Variants in MYO5B observed in about 807,000 individuals in gnomAD.
MYO5B encodes the protein myosin VB, also known as unconventional myosin-Vb.
Under a neutral mutation model 229.3 loss-of-function variants are expected in MYO5B, and 143 were observed. The ratio of observed to expected loss-of-function variants is 0.62; its 90% confidence interval spans 0.54 to 0.72. The LOEUF is 0.72. MYO5B is among the 30% of genes least tolerant of loss of function. The probability of loss-of-function intolerance (pLI) is 0.00; values close to 1 mark genes in which losing one functional copy is unlikely to be tolerated. For missense variants in MYO5B, 2,321 were observed against 2,331.0 expected (o/e 1.00, Z 0.09); for synonymous variants, 918 against 885.2 (o/e 1.04, Z -0.66).
In MYO5B at chr18:49,875,696, C is replaced by A. The variant is rs1355874357; in HGVS notation, c.3528G>T (p.Lys1176Asn). ...CAGCCCCTTCACGTACCTGGACTTT[C>A]TTGCTGTCCTGCTGTTCTCTCTTCT... ...QLEKREQQDSKKVQAEPPQTD... is the reference protein window; with the variant it reads ...QLEKREQQDSNKVQAEPPQTD... Residue 1176 changes from lysine (K) to asparagine (N), a missense_variant, in exon 26 of 40, where the codon AAG becomes AAT. Physicochemically the swap from Lys to Asn is moderately conservative, Grantham distance 94 (BLOSUM62 0). Transcript: ENST00000285039. The A allele has an allele frequency of 2.5e-6, 4 of 1,614,012 alleles. No homozygotes were observed. In the African/African-American group the frequency reaches 5.3e-5, roughly 22 times the overall value.
chr18:49,909,759 G>C (rs2024937906), intron 18 of MYO5B, among the ~76,000 whole-genome samples: 1 of 152,202 alleles, frequency 6.6e-6, no homozygotes, highest in African/African-American at 2.4e-5. Context: ...AGGCTAGGAG[G>C]TATTTCAGAG....
At chr18:50,127,674 T>G (rs570079107) in intron 1 of MYO5B, among the ~76,000 whole-genome samples, 1 of 152,304 alleles carries the variant, frequency 6.6e-6, no homozygotes, top group Non-Finnish European at 1.5e-5. Context: ...GCTTTAAAGA[T>G]TGCTTACTGG....
At chr18:50,001,187 G>A (rs1279234308) in intron 5 of MYO5B, 68 bp downstream of exon 5, 33 of 1,600,854 alleles carry the variant, frequency 2.1e-5, no homozygotes, top group Middle Eastern at 3.4e-4. Flanking sequence ...CAGGCTTGAC[G>A]CCCAGCAGTC....
chr18:49,988,410 G>GA (rs566261827), intron 7 of MYO5B, among the ~76,000 whole-genome samples: 64 of 152,152 alleles, frequency 4.2e-4, no homozygotes, highest in African/African-American at 1.5e-3. Flanking sequence ...GAAAGAGTGG[G>GA]AAAAAAATAC....
At position 50,036,856 on chromosome 18, in the gene MYO5B, ATC is replaced by A; in HGVS notation, c.447_448del (p.Gln149HisfsTer5). The A allele has an allele frequency of 1.2e-6, 2 of 1,614,036 alleles. No homozygotes were observed. Among genetic ancestry groups the A allele is most frequent in the Non-Finnish European group, 8.5e-7 (1 of 1,179,988 alleles). The stretch of plus-strand genomic sequence containing the variant: ...GGGCTGAGGACATTCTCACCTGGCC[ATC>A]TGCTTGTAGGCTTCTTCTGCCACAG... On this transcript the variant is annotated frameshift_variant, in exon 4 of 40. Transcript: ENST00000285039. LOFTEE classifies it high-confidence loss of function.
intron 17 of MYO5B, among the ~76,000 whole-genome samples, chr18:49,914,558 T>C (rs1361181513): frequency 6.6e-6 from 1 of 151,736 alleles, no homozygotes; most frequent in Non-Finnish European, 1.5e-5. Context: ...GGCGGGTGGA[T>C]CACTTGAGGT....
In MYO5B at chr18:49,843,334, G is replaced by A; in HGVS notation, c.4518C>T (p.Tyr1506=). The A allele has an allele frequency of 6.2e-7, 1 of 1,614,212 alleles. No individual in the cohort carries two copies. Among genetic ancestry groups the A allele is most frequent in the Non-Finnish European group, 8.5e-7 (1 of 1,180,038 alleles). The change falls in exon 34 of 40, where the codon TAC becomes TAT. Residue 1506 remains tyrosine (Y), a synonymous_variant. Transcript: ENST00000285039. The part of the protein sequence containing the change: ...TVPCLPAYIL[Y]MCIRHADYTN... ...TGTAGTCCGCGTGCCGGATGCACAT[G>A]TAGAGGATGTAGGCGGGGAGACAGG...
intron 2 of MYO5B, among the ~76,000 whole-genome samples, chr18:50,041,896 T>C (rs1437063648): frequency 6.6e-6 from 1 of 151,956 alleles, no homozygotes; most frequent in Admixed American, 6.6e-5. Flanking sequence ...AATCTTAATA[T>C]ACAAAGAGTT....
At position 49,902,823 on chromosome 18, in the gene MYO5B, T is replaced by C. The variant is rs757827588; in HGVS notation, c.2582A>G (p.Glu861Gly). The stretch of plus-strand genomic sequence containing the variant: ...CTTCTGGATGGTGGTGGCCTTGTGC[T>C]CCATGAGGACCTGGCGGGAAACAAG... ...VRRTYRQVLM[E>G]HKATTIQKHV... The change falls in exon 21 of 40, where the codon GAG becomes GGG. Residue 861 changes from glutamate to glycine, a missense_variant. Glu to Gly is a moderately conservative substitution (Grantham distance 98). Coordinates refer to ENST00000285039, the MANE Select transcript of MYO5B (RefSeq NM_001080467.3). 1 of 1,600,464 alleles carries C rather than the reference T, an allele frequency of 6.2e-7. No homozygotes were observed. The highest frequency in any genetic ancestry group is 8.5e-7 in the Non-Finnish European group (1 of 1,179,890).
chr18:49,958,486 T>TC (rs1257002976), intron 12 of MYO5B, among the ~76,000 whole-genome samples: 2 of 152,106 alleles, frequency 1.3e-5, no homozygotes, highest in Non-Finnish European at 2.9e-5. Flanking sequence ...AATCCCAAAT[T>TC]CCTGTCCTAA....
At chr18:50,097,148 G>T in intron 1 of MYO5B, 2 of 439,866 alleles carry the variant, frequency 4.5e-6, no homozygotes, top group East Asian at 1.4e-4. Context: ...AATCCTCCCA[G>T]TCTTTCATTG....
In MYO5B at chr18:49,849,607, C is replaced by G. The variant is rs1390056441; in HGVS notation, c.4275G>C (p.Lys1425Asn). 1 of 1,613,552 alleles carries G rather than the reference C, an allele frequency of 6.2e-7. No individual in the cohort carries two copies. The highest frequency in any genetic ancestry group is 8.5e-7 in the Non-Finnish European group (1 of 1,179,944). ...KLEKNERKLK[K>N]QLKIYMKKAQ... ...CTTTCTTCATGTAAATCTTCAGTTG[C>G]TTTTTGAGCTTCCTCTCATTCTTTT... is the stretch of plus-strand genomic sequence containing the variant. Residue 1425 changes from lysine to asparagine, a missense_variant, in exon 32 of 40, where the codon AAG becomes AAC. Transcript: ENST00000285039.
intron 1 of MYO5B, among the ~76,000 whole-genome samples, chr18:50,153,633 A>G (rs1293340880): frequency 6.6e-6 from 1 of 152,174 alleles, no homozygotes; most frequent in African/African-American, 2.4e-5. Context: ...TATTTTTAGT[A>G]GAGACAGGGT....
intron 2 of MYO5B, among the ~76,000 whole-genome samples, chr18:50,050,941 T>C (rs1392796700): frequency 6.6e-6 from 1 of 152,218 alleles, no homozygotes; most frequent in Non-Finnish European, 1.5e-5. Context: ...CGTGCTCTTG[T>C]CGTGGTTCCA....
intron 4 of MYO5B, among the ~76,000 whole-genome samples, chr18:50,019,405 C>T (rs776787564): frequency 4.3e-4 from 65 of 152,200 alleles, no homozygotes; most frequent in Non-Finnish European, 2.1e-4. Flanking sequence ...GCTGCTCATG[C>T]TGGCTACTCT....
intron 39 of MYO5B, 35 bp downstream of exon 39, chr18:49,835,309 A>G (rs1264215245): frequency 1.4e-6 from 2 of 1,473,718 alleles, no homozygotes; most frequent in Non-Finnish European, 1.9e-6. Context: ...ATAGTCGTAG[A>G]CTGGACTTTA....
intron 1 of MYO5B, among the ~76,000 whole-genome samples, chr18:50,097,074 C>T (rs1264056862): frequency 6.6e-6 from 1 of 152,158 alleles, no homozygotes; most frequent in Non-Finnish European, 1.5e-5. Flanking sequence ...CAGGCAAGTC[C>T]CCAGATTTTC....
intron 26 of MYO5B, among the ~76,000 whole-genome samples, chr18:49,873,703 T>G (rs1390104252): frequency 6.6e-6 from 1 of 152,194 alleles, no homozygotes; most frequent in Non-Finnish European, 1.5e-5. Context: ...GGTCACCTAC[T>G]CAGACTCAAG....
At chr18:50,124,050 A>G (rs189243337) in intron 1 of MYO5B, among the ~76,000 whole-genome samples, 3 of 152,306 alleles carry the variant, frequency 2.0e-5, no homozygotes, top group Admixed American at 2.0e-4. Flanking sequence ...TGGGCACATT[A>G]TTTGTGCTTT....
Sources: gnomAD v4.1 joint callset for allele counts (sites outside exome capture counted in the v4.1 genomes callset) on GRCh38, gnomAD v4.1.1 for gene constraint, MANE v1.5 for transcripts, NCBI Gene and HGNC (gene_info 2026-07-23, HGNC 2026-07-21) for gene names.